NCAPG2: variants seen among roughly 807,000 people sequenced by gnomAD.
NCAPG2 encodes condensin-2 complex subunit G2.
A neutral mutation model predicts 141.1 loss-of-function variants in NCAPG2; 53 were observed. The ratio of observed to expected loss-of-function variants is 0.38; its 90% CI spans 0.30 to 0.47. The LOEUF is 0.47. Ranked by LOEUF, NCAPG2 falls within the 20% of genes least tolerant of loss-of-function variation. The probability of loss-of-function intolerance (pLI) is 0.99; values close to 1 mark genes in which losing one functional copy is unlikely to be tolerated. For synonymous variants in NCAPG2, 499 were observed against 490.7 expected (o/e 1.02, Z -0.22); for missense variants, 1,087 against 1,389.0 (o/e 0.78, Z 3.46).
intron 12 of NCAPG2, among the ~76,000 whole-genome samples, chr7:158,671,955 T>C (rs1382931687): frequency 6.6e-6 from 1 of 152,152 alleles, no homozygotes; most frequent in African/African-American, 2.4e-5. Context: ...CTCAGCTAAA[T>C]TTTAGAGAAT....
chr7:158,648,579 C>A (rs1332542233), intron 24 of NCAPG2, among the ~76,000 whole-genome samples: 1 of 115,946 alleles, frequency 8.6e-6, no homozygotes, highest in Non-Finnish European at 1.8e-5. Context: ...AAATGGACGA[C>A]AACCACGCCA....
At chr7:158,700,010 G>A (rs1835685899) in intron 2 of NCAPG2, among the ~76,000 whole-genome samples, 1 of 152,058 alleles carries the variant, frequency 6.6e-6, no homozygotes, top group Admixed American at 6.6e-5. Flanking sequence ...TGGGATTACA[G>A]CAGAACTAAC....
chr7:158,651,223 C>G (rs756363593), intron 23 of NCAPG2, among the ~76,000 whole-genome samples: 2 of 151,930 alleles, frequency 1.3e-5, no homozygotes, highest in Admixed American at 6.6e-5. Context: ...ATTCTTTCCC[C>G]AAAGCCAAGA....
chr7:158,686,078 T>C, intron 8 of NCAPG2, 94 bp downstream of exon 8: 1 of 740,010 alleles, frequency 1.4e-6, no homozygotes, highest in South Asian at 2.0e-5. Context: ...ACAGAGTGCA[T>C]AAACATGGAT....
chr7:158,666,845 C>T (rs1014713996), intron 13 of NCAPG2, among the ~76,000 whole-genome samples: 1 of 152,130 alleles, frequency 6.6e-6, no homozygotes, highest in African/African-American at 2.4e-5. Flanking sequence ...GGGCTCAGCC[C>T]AGCAGCCCAG....
chr7:158,684,493 A>T (rs888482746), intron 8 of NCAPG2, among the ~76,000 whole-genome samples: 1 of 152,238 alleles, frequency 6.6e-6, no homozygotes, highest in East Asian at 1.9e-4. Context: ...TGGCTTGATT[A>T]TTTTTAAAAA....
intron 24 of NCAPG2, 127 bp downstream of exon 24, chr7:158,650,705 A>G: frequency 8.2e-7 from 1 of 1,216,082 alleles, no homozygotes; most frequent in Non-Finnish European, 1.1e-6. Context: ...AGGAAAGTGC[A>G]CCACTCACTC....
intron 13 of NCAPG2, among the ~76,000 whole-genome samples, chr7:158,666,701 A>C (rs1800244234): frequency 6.6e-6 from 1 of 151,924 alleles, no homozygotes; most frequent in South Asian, 2.1e-4. Flanking sequence ...CCAAGGCAGG[A>C]GGATCGCTTG....
At chr7:158,675,746 T>C in intron 11 of NCAPG2, 90 bp from the exon 12 acceptor site, 1 of 1,324,344 alleles carries the variant, frequency 7.6e-7, no homozygotes, top group African/African-American at 1.5e-5. Flanking sequence ...CAGGGATTCG[T>C]AACTTAGAGA....
chr7:158,689,729 G>T, intron 6 of NCAPG2, 90 bp downstream of exon 6: 1 of 1,214,438 alleles, frequency 8.2e-7, no homozygotes, highest in Non-Finnish European at 1.1e-6. Context: ...GCAACACCGA[G>T]CATGGTGCAG....
chr7:158,699,643 C>T (rs1156406362), intron 2 of NCAPG2, among the ~76,000 whole-genome samples: 1 of 152,168 alleles, frequency 6.6e-6, no homozygotes, highest in Admixed American at 6.5e-5. Flanking sequence ...TCTGTATTCC[C>T]CTCTGCCTTG....
At chr7:158,644,096 T>C (rs1425646483) in intron 27 of NCAPG2, among the ~76,000 whole-genome samples, 193 bp downstream of exon 27, 1 of 152,270 alleles carries the variant, frequency 6.6e-6, no homozygotes, top group African/African-American at 2.4e-5. Flanking sequence ...TGTTTTGTTT[T>C]TGAAGACAGA....
rs1832202275 is a variant in NCAPG2 at position 158,658,501 on chromosome 7, A to AC, written c.1990-94_1990-93insG. On this transcript the variant is annotated intron_variant, in intron 16 of 27. Coordinates refer to ENST00000356309, the MANE Select transcript of NCAPG2 (RefSeq NM_017760.7). ...CGTAAATTCCTGATAACTTACTACC[A>AC]AAGTTGCTCAAGAAGAACCATGGCA... is the stretch of plus-strand genomic sequence containing the variant. The AC allele has an allele frequency of 7.9e-6, 9 of 1,145,158 alleles. No individual in the cohort carries two copies. The South Asian group carries it at 1.7e-4, about 21-fold the overall frequency. 70.9% of individuals were successfully genotyped at this position (1,145,158 alleles called of 1,614,324 possible).
rs778806033 is a variant in NCAPG2, at chr7:158,652,409, T to C, written c.2818A>G (p.Lys940Glu). The C allele has an allele frequency of 6.2e-7, 1 of 1,613,676 alleles. No individual in the cohort carries two copies. The highest frequency in any genetic ancestry group is 1.1e-5 in the South Asian group (1 of 91,002). ...KEITGSSLIQ[K>E]TDSDEEVAML... ...GCAACTTCTTCATCTGAATCTGTTT[T>C]CTGAATCAAGGAACTTCCAGTTATC... Residue 940 changes from lysine (K) to glutamate (E), a missense_variant, in exon 23 of 28, where the codon AAA becomes GAA. Transcript: ENST00000356309.
intron 27 of NCAPG2, among the ~76,000 whole-genome samples, chr7:158,642,847 T>C (rs1020920770): frequency 6.6e-6 from 1 of 152,190 alleles, no homozygotes; most frequent in Admixed American, 6.5e-5. Flanking sequence ...TCTGAAAATA[T>C]CAGTAAAAAT....
chr7:158,691,267 T>C (rs990575399), intron 4 of NCAPG2, among the ~76,000 whole-genome samples: 2 of 152,252 alleles, frequency 1.3e-5, no homozygotes, highest in African/African-American at 4.8e-5. Context: ...AATCTGTAGG[T>C]ATCTGAATGT....
At chr7:158,652,560 T>C (rs1831566633) in intron 22 of NCAPG2, 80 bp from the exon 23 acceptor site, 1 of 1,123,286 alleles carries the variant, frequency 8.9e-7, no homozygotes, top group Non-Finnish European at 1.2e-6. Context: ...ACTTAACACA[T>C]GTATAAAATG....
chr7:158,643,358 G>A (rs747222823), intron 27 of NCAPG2, among the ~76,000 whole-genome samples: 6 of 151,834 alleles, frequency 4.0e-5, no homozygotes, highest in Non-Finnish European at 5.9e-5. Flanking sequence ...TGGGACTATA[G>A]GCATGAGTCA....
rs528835336 is a variant in NCAPG2, at chr7:158,651,626, C to T, written c.2935-654G>A. On this transcript the variant is annotated intron_variant, in intron 23 of 27. Coordinates refer to ENST00000356309, the MANE Select transcript of NCAPG2 (RefSeq NM_017760.7). ...ATGGCTCTCTCTGATAACAACATCA[C>T]GTGGTACGAGAACTGACATGACATT... Among the ~76,000 whole-genome samples the T allele has an allele frequency of 7.9e-5, 12 of 152,252 alleles. No individual in the cohort carries two copies. In the South Asian group the frequency reaches 2.3e-3, roughly 29 times the overall value.
Sources: allele counts gnomAD v4.1 joint callset (sites outside exome capture counted in the v4.1 genomes callset), GRCh38; gene constraint gnomAD v4.1.1; transcripts MANE v1.5; gene names NCBI Gene and HGNC (gene_info 2026-07-23, HGNC 2026-07-21).